The following BICD2 variants were observed in gnomAD, a reference collection of about 807,000 sequenced individuals.
BICD2 encodes BICD cargo adaptor 2, also known as protein bicaudal D homolog 2.
BICD2 carries 25 observed loss-of-function variants against 72.9 expected under a neutral mutation model. The observed-to-expected ratio is 0.34, with a 90% CI of 0.25 to 0.48. The LOEUF (loss-of-function observed/expected upper bound fraction) is 0.48, where lower values mean the gene tolerates loss of function less well. Ranked by LOEUF, BICD2 falls within the 20% of genes least tolerant of loss-of-function variation. The pLI, the probability that BICD2 is intolerant of heterozygous loss-of-function variation, is 0.99. For synonymous variants in BICD2, 501 were observed against 516.1 expected, an observed-to-expected ratio of 0.97 and a Z score of 0.40; for missense variants, 894 against 1,175.2, an observed-to-expected ratio of 0.76 and a Z score of 3.50.
chr9:92,758,515 G>A (rs921721815), intron 1 of BICD2, among the ~76,000 whole-genome samples: 2 of 131,080 alleles, frequency 1.5e-5, no homozygotes, highest in Admixed American at 9.2e-5. Context: ...TCGAGCTACT[G>A]TACTCCAGCC....
chr9:92,714,111 G>T lies in BICD2; in HGVS notation c.*1043C>A. 1.0e-6 allele frequency: 1 copy of T among 985,814 alleles called. No homozygotes were observed. The highest frequency in any genetic ancestry group is 4.7e-5 in the South Asian group (1 of 21,306). 61.1% of individuals were successfully genotyped at this position (985,814 alleles called of 1,614,324 possible). A position where few individuals can be genotyped will look rare whatever the true frequency, so the allele number is the denominator to read the frequency against. On this transcript the variant is annotated 3_prime_UTR_variant, in exon 7 of 7. Transcript: ENST00000356884. ...CATCCCCCAGATTGCACTAAATAAA[G>T]AGACCTAAACATCTCCTACCTGTGA...
chr9:92,757,312 CAAAAAAAAAAAA>C (rs1169381290), intron 1 of BICD2, among the ~76,000 whole-genome samples: 3 of 52,738 alleles, frequency 5.7e-5, no homozygotes, highest in South Asian at 5.7e-4. Flanking sequence ...AGACTGTCTC[CAAAAAAAAAAAA>C]AAAAAAAAAA....
chr9:92,731,703 G>A (rs1184431273), intron 1 of BICD2, among the ~76,000 whole-genome samples: 1 of 152,144 alleles, frequency 6.6e-6, no homozygotes, highest in Non-Finnish European at 1.5e-5. Context: ...ATGGCAGCAG[G>A]GCAGCCAAGC....
At chr9:92,735,771 T>A (rs1351704023) in intron 1 of BICD2, among the ~76,000 whole-genome samples, 1 of 152,132 alleles carries the variant, frequency 6.6e-6, no homozygotes, top group East Asian at 1.9e-4. Flanking sequence ...TGGCCTGCTG[T>A]TCACGGGCAC....
chr9:92,743,840 G>C (rs530944558), intron 1 of BICD2, among the ~76,000 whole-genome samples: 19 of 152,254 alleles, frequency 1.2e-4, no homozygotes, highest in African/African-American at 4.6e-4. Context: ...TTGGAAGAAG[G>C]TCTTGAAAAG....
intron 1 of BICD2, among the ~76,000 whole-genome samples, chr9:92,758,931 G>A (rs1267412815): frequency 6.6e-6 from 1 of 151,952 alleles, no homozygotes; most frequent in African/African-American, 2.4e-5. Flanking sequence ...GCCAAGGCGG[G>A]AGGATCGCTC....
intron 2 of BICD2, among the ~76,000 whole-genome samples, chr9:92,728,473 C>G (rs1037502573): frequency 6.6e-6 from 1 of 152,248 alleles, no homozygotes; most frequent in African/African-American, 2.4e-5. Context: ...CCCAGACCCT[C>G]CCTGCGGGCA....
In BICD2 at chr9:92,753,808, G is replaced by A. The variant is rs1457505792; in HGVS notation, c.240+10697C>T. On this transcript the variant is annotated intron_variant, in intron 1 of 6. Coordinates refer to ENST00000356884, the MANE Select transcript of BICD2 (RefSeq NM_001003800.2). ...CCTGCCTCGTCCTCCCAAAGTGCTG[G>A]GATTACAGGCGTGAGCCACCGTGCC... Among the ~76,000 whole-genome samples, 5 of 151,828 alleles carry A rather than the reference G, an allele frequency of 3.3e-5. No homozygotes were observed. The East Asian group carries it at 9.8e-4, about 30-fold the overall frequency.
At chr9:92,748,857 T>C (rs935482330) in intron 1 of BICD2, among the ~76,000 whole-genome samples, 1 of 152,158 alleles carries the variant, frequency 6.6e-6, no homozygotes, top group African/African-American at 2.4e-5. Flanking sequence ...TTGTTCCCTT[T>C]CATGGGTGAA....
chr9:92,743,913 C>A (rs1468561521), intron 1 of BICD2, among the ~76,000 whole-genome samples: 1 of 152,212 alleles, frequency 6.6e-6, no homozygotes, highest in African/African-American at 2.4e-5. Context: ...ATGGGGAATG[C>A]AACTTACACC....
chr9:92,713,375 C>A lies in BICD2; in HGVS notation c.*1779G>T, dbSNP rs985317207. The A allele has an allele frequency of 7.4e-6, 11 of 1,479,304 alleles. No individual in the cohort carries two copies. The highest frequency in any genetic ancestry group is 9.2e-6 in the Non-Finnish European group (10 of 1,081,884). The allele number at this position is 1,479,304 out of a possible 1,614,324, so 91.6% of individuals were successfully genotyped here. On this transcript the variant is annotated 3_prime_UTR_variant, in exon 7 of 7. Coordinates refer to ENST00000356884, the MANE Select transcript of BICD2 (RefSeq NM_001003800.2). Reference sequence around the variant, plus strand: ...GTGGGCTTTTAGGTTGCCCTTCCTTCCTCCTTGTGGGCCACGAGAGGGAAG... The same window carrying A: ...GTGGGCTTTTAGGTTGCCCTTCCTTACTCCTTGTGGGCCACGAGAGGGAAG...
At chr9:92,759,827 T>C (rs1183093594) in intron 1 of BICD2, among the ~76,000 whole-genome samples, 1 of 152,224 alleles carries the variant, frequency 6.6e-6, no homozygotes, top group African/African-American at 2.4e-5. Context: ...TCCACCTATG[T>C]GGGGAAGCAG....
intron 1 of BICD2, among the ~76,000 whole-genome samples, chr9:92,743,169 C>T (rs1242182388): frequency 6.6e-6 from 1 of 152,090 alleles, no homozygotes; most frequent in Non-Finnish European, 1.5e-5. Context: ...ACAGCCATCC[C>T]AGTGGATATG....
Position 92,720,827 on chromosome 9 carries a change from AAC to A in BICD2, c.607-74_607-73del. The A allele has an allele frequency of 1.4e-6, 2 of 1,481,338 alleles. No homozygotes were observed. The highest frequency in any genetic ancestry group is 1.8e-6 in the Non-Finnish European group (2 of 1,094,192). The allele number at this position is 1,481,338 out of a possible 1,614,324, so 91.8% of individuals were successfully genotyped here. A position where few individuals can be genotyped will look rare whatever the true frequency, so the allele number is the denominator to read the frequency against. On this transcript the variant is annotated intron_variant, in intron 3 of 6. Transcript: ENST00000356884. This position sits in a 1 kb window ranked among gnomAD's most constrained non-coding sequence, Gnocchi z 5.4. ...CCTTTCAGGCCCCATAAATGAAGAA[AAC>A]ACACCAGCACACCAACTCCGGCCAC... is the stretch of plus-strand genomic sequence containing the variant.
At chr9:92,761,189 G>A (rs1051424296) in intron 1 of BICD2, among the ~76,000 whole-genome samples, 1 of 152,170 alleles carries the variant, frequency 6.6e-6, no homozygotes, top group Non-Finnish European at 1.5e-5. Flanking sequence ...AGGCTGTAGG[G>A]GCCTGAGACA....
rs912626609 is a variant in BICD2, at chr9:92,746,570, T to A, written c.241-17334A>T. Among the ~76,000 whole-genome samples, 26 of 150,400 alleles carry A rather than the reference T, an allele frequency of 1.7e-4. 1 individual carries two copies. The highest frequency in any genetic ancestry group is 1.5e-5 in the Non-Finnish European group (1 of 67,786). ...AAAAAGAAAGAAACATGGAAGCACA[T>A]GCCACATGTCCACGCCAAGTATGGT... On this transcript the variant is annotated intron_variant, in intron 1 of 6. Coordinates refer to ENST00000356884, the MANE Select transcript of BICD2 (RefSeq NM_001003800.2).
At chr9:92,760,504 GGGA>G (rs749941029) in intron 1 of BICD2, among the ~76,000 whole-genome samples, 17 of 152,192 alleles carry the variant, frequency 1.1e-4, no homozygotes, top group Non-Finnish European at 2.4e-4. Flanking sequence ...GGCTCGATGT[GGGA>G]GTTTCAGACA....
intron 1 of BICD2, among the ~76,000 whole-genome samples, chr9:92,751,436 G>A (rs1246125946): frequency 6.6e-6 from 1 of 152,118 alleles, no homozygotes; most frequent in Non-Finnish European, 1.5e-5. Flanking sequence ...GAGCCACTGA[G>A]CCCAGCCCTA....
chr9:92,732,844 G>A (rs1170027008), intron 1 of BICD2, among the ~76,000 whole-genome samples: 1 of 152,106 alleles, frequency 6.6e-6, no homozygotes, highest in East Asian at 1.9e-4. Flanking sequence ...AATACCATAT[G>A]GAAATCTTTA....
Sources: allele counts gnomAD v4.1 joint callset (sites outside exome capture counted in the v4.1 genomes callset), GRCh38; gene constraint gnomAD v4.1.1; non-coding constraint Gnocchi (gnomAD v3.1); transcripts MANE v1.5; gene names NCBI Gene and HGNC (gene_info 2026-07-23, HGNC 2026-07-21).